Variants in SPATA17 observed in about 807,000 individuals in gnomAD.
SPATA17 encodes the protein spermatogenesis-associated protein 17.
A neutral mutation model predicts 62.2 loss-of-function variants in SPATA17; 53 were observed. The observed-to-expected ratio is 0.85, with a 90% CI of 0.68 to 1.07. The LOEUF (loss-of-function observed/expected upper bound fraction) is 1.07. Ranked by LOEUF, SPATA17 falls within the 50% of genes least tolerant of loss-of-function variation. The pLI is 0.00. For missense variants in SPATA17, 466 were observed against 425.5 expected (o/e 1.10, Z -0.84); for synonymous variants, 146 against 146.8 (o/e 0.99, Z 0.04).
intron 6 of SPATA17, among the ~76,000 whole-genome samples, chr1:217,742,448 A>G (rs1439132521): frequency 6.6e-6 from 1 of 152,210 alleles, no homozygotes; most frequent in Non-Finnish European, 1.5e-5. Context: ...TATTAGGCTG[A>G]GGTTGCTTTC....
intron 5 of SPATA17, among the ~76,000 whole-genome samples, chr1:217,726,959 A>C (rs61575053): frequency 0.048 from 7,322 of 152,142 alleles, 578 homozygotes; most frequent in African/African-American, 0.16. Flanking sequence ...CTTAAAAAAA[A>C]ACTACTGTCG....
chr1:217,864,351 G>A (rs761438780), intron 10 of SPATA17, among the ~76,000 whole-genome samples: 15 of 152,052 alleles, frequency 9.9e-5, no homozygotes, highest in African/African-American at 3.4e-4. Context: ...ACACATATAA[G>A]GCAGTACTAT....
chr1:217,682,320 C>G (rs2102905542), intron 4 of SPATA17, among the ~76,000 whole-genome samples: 1 of 151,178 alleles, frequency 6.6e-6, no homozygotes, highest in African/African-American at 2.4e-5. Flanking sequence ...TATCTAGAAG[C>G]TGACTTAGGT....
At chr1:217,656,733 A>T (rs1249873470) in intron 3 of SPATA17, among the ~76,000 whole-genome samples, 1 of 152,188 alleles carries the variant, frequency 6.6e-6, no homozygotes, top group Non-Finnish European at 1.5e-5. Context: ...TAAGCATTTT[A>T]CATTCTTCAT....
intron 9 of SPATA17, among the ~76,000 whole-genome samples, chr1:217,826,940 T>G (rs1312290081): frequency 1.3e-5 from 2 of 152,116 alleles, no homozygotes; most frequent in Non-Finnish European, 2.9e-5. Context: ...TAAACTATAC[T>G]CAACATGGTA....
At chr1:217,785,329 G>A (rs892129614) in intron 8 of SPATA17, among the ~76,000 whole-genome samples, 5 of 152,078 alleles carry the variant, frequency 3.3e-5, no homozygotes, top group African/African-American at 9.7e-5. Flanking sequence ...GAAGAAAAGC[G>A]GTTTAATTGA....
intron 3 of SPATA17, 112 bp downstream of exon 3, chr1:217,651,290 G>A: frequency 2.5e-6 from 2 of 785,280 alleles, no homozygotes; most frequent in South Asian, 4.8e-5. Flanking sequence ...GAGTATTTAT[G>A]TAAGGACAAA....
chr1:217,685,194 C>T (rs184245463), intron 5 of SPATA17, among the ~76,000 whole-genome samples: 371 of 152,168 alleles, frequency 2.4e-3, no homozygotes, highest in African/African-American at 8.3e-3. Flanking sequence ...CAGGGTCACA[C>T]GATTATCAAC....
chr1:217,635,659 G>T, intron 1 of SPATA17, among the ~76,000 whole-genome samples: 1 of 152,098 alleles, frequency 6.6e-6, no homozygotes. Context: ...AGCCAAGGTC[G>T]GACCATTGCA....
At chr1:217,672,893 A>G (rs773257152) in intron 4 of SPATA17, among the ~76,000 whole-genome samples, 1 of 152,048 alleles carries the variant, frequency 6.6e-6, no homozygotes, top group Non-Finnish European at 1.5e-5. Flanking sequence ...CCTGTACACT[A>G]TAAGTCTCAT....
intron 3 of SPATA17, among the ~76,000 whole-genome samples, chr1:217,668,188 A>T (rs192923744): frequency 6.6e-6 from 1 of 152,334 alleles, no homozygotes; most frequent in Admixed American, 6.5e-5. Context: ...CCATGTTAAA[A>T]ATATGTATCT....
chr1:217,830,088 A>G (rs1675098216), intron 9 of SPATA17, among the ~76,000 whole-genome samples: 1 of 152,116 alleles, frequency 6.6e-6, no homozygotes, highest in African/African-American at 2.4e-5. Flanking sequence ...ATTTAAATCT[A>G]TAAAACATCC....
At chr1:217,722,166 G>T (rs2102934968) in intron 5 of SPATA17, among the ~76,000 whole-genome samples, 1 of 152,166 alleles carries the variant, frequency 6.6e-6, no homozygotes, top group African/African-American at 2.4e-5. Context: ...AATAAATGAG[G>T]GGTACTTAAA....
intron 5 of SPATA17, among the ~76,000 whole-genome samples, chr1:217,689,383 G>A (rs1671296897): frequency 6.6e-6 from 1 of 151,528 alleles, no homozygotes; most frequent in Non-Finnish European, 1.5e-5. Context: ...GTGCCACCAC[G>A]CCCGGCTAAT....
chr1:217,674,896 G>T (rs544302237), intron 4 of SPATA17, among the ~76,000 whole-genome samples: 157 of 152,270 alleles, frequency 1.0e-3, no homozygotes, highest in African/African-American at 3.7e-3. Context: ...CAGGATAGGG[G>T]AGAGGGGAGC....
intron 4 of SPATA17, among the ~76,000 whole-genome samples, chr1:217,681,431 T>C (rs987225542): frequency 4.6e-5 from 7 of 151,834 alleles, no homozygotes; most frequent in African/African-American, 1.7e-4. Flanking sequence ...TGGAGTGCAG[T>C]GGTGCAATCT....
chr1:217,756,420 A>C (rs951484096), intron 6 of SPATA17, among the ~76,000 whole-genome samples: 2 of 152,194 alleles, frequency 1.3e-5, no homozygotes, highest in Non-Finnish European at 1.5e-5. Context: ...ACCAAGTTAC[A>C]CAATAGATAT....
chr1:217,731,789 A>G (rs72728810), intron 5 of SPATA17, among the ~76,000 whole-genome samples: 2,890 of 152,256 alleles, frequency 0.019, 52 homozygotes, highest in Non-Finnish European at 0.029. Flanking sequence ...AAAAATGTGA[A>G]TCTTTGGATA....
At chr1:217,652,309 G>A (rs1259535285) in intron 3 of SPATA17, among the ~76,000 whole-genome samples, 1 of 152,082 alleles carries the variant, frequency 6.6e-6, no homozygotes, top group African/African-American at 2.4e-5. Flanking sequence ...TCGTCTCACC[G>A]CAACCTCTGC....
Sources: allele counts gnomAD v4.1 joint callset (sites outside exome capture counted in the v4.1 genomes callset), GRCh38; gene constraint gnomAD v4.1.1; transcripts MANE v1.5; gene names NCBI Gene and HGNC (gene_info 2026-07-23, HGNC 2026-07-21).